The following TGFBR3 variants were observed in gnomAD, a reference collection of about 807,000 sequenced individuals.
TGFBR3 encodes the protein transforming growth factor beta receptor type 3.
In TGFBR3, 46 loss-of-function variants were observed where a neutral mutation model predicts 87.9. The ratio of observed to expected loss-of-function variants is 0.52; its 90% CI spans 0.41 to 0.67. The LOEUF (loss-of-function observed/expected upper bound fraction) is 0.67. TGFBR3 is among the 30% of genes least tolerant of loss of function. TGFBR3 has a pLI of 0.00. For missense variants in TGFBR3, 866 were observed against 1,041.9 expected, an observed-to-expected ratio of 0.83 and a Z score of 2.32; for synonymous variants, 381 against 391.6, an observed-to-expected ratio of 0.97 and a Z score of 0.32.
intron 1 of TGFBR3, among the ~76,000 whole-genome samples, chr1:91,875,403 G>A (rs1238951157): frequency 6.6e-6 from 1 of 152,104 alleles, no homozygotes; most frequent in Non-Finnish European, 1.5e-5. Context: ...AGAACAACCA[G>A]ATGGCACTGT....
chr1:91,751,300 T>C (rs1571472467), intron 4 of TGFBR3, among the ~76,000 whole-genome samples: 2 of 152,286 alleles, frequency 1.3e-5, no homozygotes, highest in South Asian at 4.1e-4. Flanking sequence ...CAAGCAAACT[T>C]GAATGTCTGA....
chr1:91,826,435 A>G (rs1464384010), intron 2 of TGFBR3, among the ~76,000 whole-genome samples: 3 of 152,128 alleles, frequency 2.0e-5, no homozygotes, highest in African/African-American at 7.2e-5. Flanking sequence ...GTCCTAAGCC[A>G]ATCACTGTAA....
In TGFBR3 at chr1:91,680,807, C is replaced by A. The variant is rs916291099; in HGVS notation, c.*2932G>T. 2.2e-6 allele frequency: 1 copy of A among 452,922 alleles called. No homozygotes were observed. The highest frequency in any genetic ancestry group is 6.9e-4 in the Middle Eastern group (1 of 1,444). 28.1% of individuals were successfully genotyped at this position (452,922 alleles called of 1,614,324 possible). ...CCACACACACTCACAATCATGCCCA[C>A]TAAGAACACAAGCAGGAAATGGATT... On this transcript the variant is annotated 3_prime_UTR_variant, in exon 17 of 17. Transcript: ENST00000212355.
intron 2 of TGFBR3, among the ~76,000 whole-genome samples, chr1:91,810,050 CCA>C (rs1675976031): frequency 6.6e-6 from 1 of 152,096 alleles, no homozygotes; most frequent in Non-Finnish European, 1.5e-5. Flanking sequence ...TGGTTCAGAA[CCA>C]CAGTTTTTTG....
At chr1:91,888,523 T>C (rs922217449), upstream of TGFBR3, among the ~76,000 whole-genome samples, 4 of 151,982 alleles carry the variant, frequency 2.6e-5, no homozygotes, top group African/African-American at 9.7e-5. Flanking sequence ...ACCAACATGG[T>C]GAAACCCCAT....
intron 3 of TGFBR3, among the ~76,000 whole-genome samples, chr1:91,776,504 T>C (rs1238934609): frequency 2.6e-5 from 4 of 152,218 alleles, no homozygotes; most frequent in Non-Finnish European, 4.4e-5. Context: ...GGTAGAATAC[T>C]TAACCTCTCT....
At chr1:91,759,637 G>C (rs750919255) in intron 3 of TGFBR3, among the ~76,000 whole-genome samples, 1 of 152,186 alleles carries the variant, frequency 6.6e-6, no homozygotes, top group Non-Finnish European at 1.5e-5. Context: ...CTTTCATACA[G>C]TCTGTCTCAT....
chr1:91,726,870 G>A (rs1336881391), intron 7 of TGFBR3, among the ~76,000 whole-genome samples: 1 of 151,850 alleles, frequency 6.6e-6, no homozygotes, highest in Non-Finnish European at 1.5e-5. Context: ...AAAAAATAGG[G>A]AGGAGGATTT....
At chr1:91,691,063 G>C (rs1671246334) in intron 16 of TGFBR3, among the ~76,000 whole-genome samples, 1 of 151,892 alleles carries the variant, frequency 6.6e-6, no homozygotes, top group African/African-American at 2.4e-5. Flanking sequence ...AAAATTTGAA[G>C]CCAGTATTAA....
chr1:91,867,113 T>C (rs1414637840), intron 1 of TGFBR3, among the ~76,000 whole-genome samples: 3 of 152,188 alleles, frequency 2.0e-5, no homozygotes, highest in Admixed American at 2.0e-4. Flanking sequence ...AAGAATCAAA[T>C]GAGATTGTGC....
At chr1:91,795,197 G>A (rs1675332480) in intron 3 of TGFBR3, among the ~76,000 whole-genome samples, 1 of 152,162 alleles carries the variant, frequency 6.6e-6, no homozygotes, top group African/African-American at 2.4e-5. Flanking sequence ...AAACAGTATT[G>A]AACTACAACC....
chr1:91,745,429 A>G (rs1195602990), intron 4 of TGFBR3, among the ~76,000 whole-genome samples: 4 of 152,260 alleles, frequency 2.6e-5, no homozygotes, highest in Admixed American at 2.6e-4. Context: ...GACACACGGT[A>G]AAGGAGAATA....
intron 3 of TGFBR3, among the ~76,000 whole-genome samples, chr1:91,781,536 A>G (rs559234083): frequency 3.9e-5 from 6 of 152,232 alleles, no homozygotes; most frequent in Non-Finnish European, 8.8e-5. Flanking sequence ...CTCAGAGCCA[A>G]GATAAAGGAT....
At chr1:91,807,860 T>G (rs1675891566) in intron 2 of TGFBR3, among the ~76,000 whole-genome samples, 1 of 152,230 alleles carries the variant, frequency 6.6e-6, no homozygotes, top group South Asian at 2.1e-4. Context: ...AAGCATTCCA[T>G]GATCTCTTAT....
At chr1:91,720,325 G>A in intron 8 of TGFBR3, 95 bp from the exon 9 acceptor site, 1 of 1,225,774 alleles carries the variant, frequency 8.2e-7, no homozygotes, top group Non-Finnish European at 1.2e-6. Context: ...GCATAGAATG[G>A]GCAGGTGTAA....
At chr1:91,799,893 A>C (rs1250569021) in intron 2 of TGFBR3, among the ~76,000 whole-genome samples, 1 of 152,192 alleles carries the variant, frequency 6.6e-6, no homozygotes, top group African/African-American at 2.4e-5. Flanking sequence ...AGTGCCAGGA[A>C]GCCTTCAGTG....
chr1:91,721,809 A>C (rs1672375917), intron 8 of TGFBR3, 146 bp downstream of exon 8: 1 of 737,666 alleles, frequency 1.4e-6, no homozygotes, highest in Non-Finnish European at 2.2e-6. Context: ...TGTCTAGGTA[A>C]TTTTAAGCCT....
chr1:91,826,298 GTCCAGTACCTTA>G (rs1676631510), intron 2 of TGFBR3, among the ~76,000 whole-genome samples: 1 of 152,140 alleles, frequency 6.6e-6, no homozygotes, highest in Non-Finnish European at 1.5e-5. Context: ...TCATTACCTT[GTCCAGTACCTTA>G]TCCCTAAGTT....
chr1:91,807,003 C>A (rs1351275983), intron 2 of TGFBR3, among the ~76,000 whole-genome samples: 2 of 152,194 alleles, frequency 1.3e-5, no homozygotes, highest in Non-Finnish European at 2.9e-5. Context: ...GTTACCAACA[C>A]AGGATATGAC....
Sources: allele counts gnomAD v4.1 joint callset (sites outside exome capture counted in the v4.1 genomes callset), GRCh38; gene constraint gnomAD v4.1.1; transcripts MANE v1.5; gene names NCBI Gene and HGNC (gene_info 2026-07-23, HGNC 2026-07-21).